The following KAT2B variants were observed in gnomAD, a reference collection of about 807,000 sequenced individuals.
KAT2B encodes histone acetyltransferase KAT2B.
Under a neutral mutation model 105.9 loss-of-function variants are expected in KAT2B, and 36 were observed. The observed-to-expected ratio is 0.34, with a 90% confidence interval of 0.26 to 0.45. The LOEUF (loss-of-function observed/expected upper bound fraction) is 0.45, where lower values mean the gene tolerates loss of function less well. KAT2B is among the 20% of genes least tolerant of loss of function. The pLI is 1.00. For synonymous variants in KAT2B, 397 were observed against 377.9 expected, an observed-to-expected ratio of 1.05 and a Z score of -0.59; for missense variants, 820 against 1,021.6, an observed-to-expected ratio of 0.80 and a Z score of 2.69.
intron 16 of KAT2B, 42 bp downstream of exon 16, chr3:20,148,348 T>C: frequency 1.2e-6 from 2 of 1,610,336 alleles, no homozygotes; most frequent in Non-Finnish European, 1.7e-6. Context: ...TATTTTGAAA[T>C]GATTTCCCAC....
At chr3:20,106,348 A>G (rs1252930319) in intron 5 of KAT2B, among the ~76,000 whole-genome samples, 1 of 152,228 alleles carries the variant, frequency 6.6e-6, no homozygotes, top group East Asian at 1.9e-4. Flanking sequence ...CTTTGGAGGA[A>G]TACATGTGCT....
chr3:20,116,502 AT>A (rs1350649803), intron 7 of KAT2B, among the ~76,000 whole-genome samples: 1 of 152,128 alleles, frequency 6.6e-6, no homozygotes, highest in Non-Finnish European at 1.5e-5. Context: ...AGAGTGTGAG[AT>A]TATTGTCCTG....
intron 1 of KAT2B, among the ~76,000 whole-genome samples, chr3:20,046,398 A>G (rs562216771): frequency 6.6e-6 from 1 of 152,278 alleles, no homozygotes; most frequent in African/African-American, 2.4e-5. Flanking sequence ...CCTGGGCAAC[A>G]TGGTGAAACC....
intron 5 of KAT2B, among the ~76,000 whole-genome samples, chr3:20,106,983 A>ATATATATATATATATATATATATGTG (rs1699020888): frequency 1.6e-4 from 1 of 6,312 alleles, no homozygotes; most frequent in Non-Finnish European, 2.8e-4. Flanking sequence ...ATATATGTAT[A>ATATATATATATATATATATATATGTG]TATATATATA....
chr3:20,078,486 C>T (rs1281928217), intron 2 of KAT2B, among the ~76,000 whole-genome samples: 1 of 151,946 alleles, frequency 6.6e-6, no homozygotes, highest in Non-Finnish European at 1.5e-5. Context: ...GATCCTTTCA[C>T]TTCAGCCTCT....
intron 7 of KAT2B, among the ~76,000 whole-genome samples, chr3:20,117,344 G>C (rs898821445): frequency 2.6e-5 from 4 of 152,144 alleles, no homozygotes; most frequent in Non-Finnish European, 5.9e-5. Context: ...GTGTTCTCTT[G>C]GGGGAACAGA....
At chr3:20,099,220 A>C (rs549332196) in intron 3 of KAT2B, among the ~76,000 whole-genome samples, 2 of 152,324 alleles carry the variant, frequency 1.3e-5, no homozygotes, top group South Asian at 4.1e-4. Flanking sequence ...GAGATGCCAG[A>C]ACAGTTGGCC....
chr3:20,059,652 C>T (rs1284440324), intron 1 of KAT2B, among the ~76,000 whole-genome samples: 3 of 151,698 alleles, frequency 2.0e-5, no homozygotes, highest in Non-Finnish European at 4.4e-5. Context: ...TTGCGGTGAG[C>T]CGAGATCGTA....
At chr3:20,067,733 G>A (rs1698247475) in intron 1 of KAT2B, among the ~76,000 whole-genome samples, 1 of 152,056 alleles carries the variant, frequency 6.6e-6, no homozygotes, top group South Asian at 2.1e-4. Context: ...GGAGTGCAGT[G>A]GTGCGATCTT....
chr3:20,114,836 T>TA, intron 6 of KAT2B, 46 bp from the exon 7 acceptor site: 1 of 1,066,868 alleles, frequency 9.4e-7, no homozygotes, highest in Non-Finnish European at 1.4e-6. Flanking sequence ...CTGTTATCCT[T>TA]ACAGTAGTTT....
At chr3:20,108,081 A>AT (rs1699055128) in intron 5 of KAT2B, among the ~76,000 whole-genome samples, 1 of 152,030 alleles carries the variant, frequency 6.6e-6, no homozygotes, top group Non-Finnish European at 1.5e-5. Context: ...AAGTCCTGGG[A>AT]TTACAGGTGT....
intron 1 of KAT2B, among the ~76,000 whole-genome samples, chr3:20,058,913 T>C (rs1057309719): frequency 6.6e-6 from 1 of 152,194 alleles, no homozygotes; most frequent in Non-Finnish European, 1.5e-5. Context: ...CTTTTAGAAA[T>C]GTAGAATCTC....
At chr3:20,121,716 A>G (rs1325848015) in intron 8 of KAT2B, among the ~76,000 whole-genome samples, 2 of 150,008 alleles carry the variant, frequency 1.3e-5, no homozygotes, top group Non-Finnish European at 2.9e-5. Context: ...ATATATGCAT[A>G]CATACACATA....
chr3:20,117,151 C>T (rs1699220641), intron 7 of KAT2B, among the ~76,000 whole-genome samples: 1 of 152,168 alleles, frequency 6.6e-6, no homozygotes, highest in Non-Finnish European at 1.5e-5. Context: ...AACTTCCAGC[C>T]ACATTGTTAT....
At chr3:20,052,690 G>A (rs1697935417) in intron 1 of KAT2B, among the ~76,000 whole-genome samples, 3 of 150,108 alleles carry the variant, frequency 2.0e-5, no homozygotes, top group East Asian at 2.0e-4. Context: ...AAAAGAGGCC[G>A]GGCACGGTGG....
At chr3:20,070,994 G>C (rs1201284234) in intron 1 of KAT2B, among the ~76,000 whole-genome samples, 1 of 140,774 alleles carries the variant, frequency 7.1e-6, no homozygotes, top group Non-Finnish European at 1.5e-5. Flanking sequence ...GGGCAACACA[G>C]AGAGACTCTG....
At chr3:20,125,866 A>C (rs751236716) in intron 9 of KAT2B, 39 bp from the exon 10 acceptor site, 1 of 1,516,660 alleles carries the variant, frequency 6.6e-7, no homozygotes, top group Admixed American at 1.7e-5. Flanking sequence ...TCTTGAGAGA[A>C]TAGCTCTGTG....
intron 10 of KAT2B, among the ~76,000 whole-genome samples, chr3:20,127,027 G>A (rs1164138221): frequency 6.6e-6 from 1 of 152,094 alleles, no homozygotes; most frequent in Non-Finnish European, 1.5e-5. Flanking sequence ...TTTTCATAAT[G>A]TTTCTGTAAT....
At chr3:20,147,076 T>G (rs973158175) in intron 14 of KAT2B, among the ~76,000 whole-genome samples, 2 of 118,388 alleles carry the variant, frequency 1.7e-5, no homozygotes, top group Non-Finnish European at 3.4e-5. Flanking sequence ...TTTTTATAGG[T>G]CAAAAGCCAT....
Sources: allele counts gnomAD v4.1 joint callset (sites outside exome capture counted in the v4.1 genomes callset), GRCh38; gene constraint gnomAD v4.1.1; transcripts MANE v1.5; gene names NCBI Gene and HGNC (gene_info 2026-07-23, HGNC 2026-07-21).